The following CFAP99 variants were observed in gnomAD, a reference collection of about 807,000 sequenced individuals.
CFAP99 encodes cilia and flagella associated protein 99.
CFAP99 carries 84 observed loss-of-function variants against 82.7 expected under a neutral mutation model. That is an observed-to-expected ratio of 1.02 (90% confidence interval 0.85 to 1.22). The LOEUF is 1.22. CFAP99 is among the 50% of genes most tolerant of loss of function. The pLI is 0.00. For missense variants in CFAP99, 1,059 were observed against 983.5 expected, an observed-to-expected ratio of 1.08 and a Z score of -1.03; for synonymous variants, 456 against 429.5, an observed-to-expected ratio of 1.06 and a Z score of -0.76.
chr4:2,459,408 A>C lies in CFAP99; in HGVS notation c.1455+150A>C, dbSNP rs116104562. On this transcript the variant is annotated intron_variant, in intron 13 of 14. Coordinates refer to ENST00000635017, the Ensembl canonical transcript of CFAP99. ...CGCCACCCTCCGTGACTCAACACCC[A>C]TGTGCCGCGGGCCTGGGTCTGGCCC... The C allele has an allele frequency of 3.0e-3, 2,964 of 979,346 alleles. 62 individuals are homozygous for C. In the African/African-American group the frequency reaches 0.043, roughly 14 times the overall value. 60.7% of individuals were successfully genotyped at this position (979,346 alleles called of 1,614,324 possible). A position where few individuals can be genotyped will look rare whatever the true frequency, so the allele number is the denominator to read the frequency against.
intron 1 of CFAP99, among the ~76,000 whole-genome samples, chr4:2,421,475 T>G (rs933150112): frequency 6.8e-6 from 1 of 147,962 alleles, no homozygotes; most frequent in Non-Finnish European, 1.5e-5. Flanking sequence ...TGCCTCAGCC[T>G]CCCAAGTAGC....
Position 2,449,916 on chromosome 4 carries a change from G to A in CFAP99, c.724-18G>A, listed in dbSNP as rs947474347. 28 of 1,536,088 alleles carry A rather than the reference G, an allele frequency of 1.8e-5. No homozygotes were observed. Among genetic ancestry groups the A allele is most frequent in the African/African-American group, 9.6e-5 (7 of 73,178 alleles). On this transcript the variant is annotated intron_variant, in intron 7 of 14. Transcript: ENST00000635017. Reference sequence around the variant, plus strand: ...GGCAGAGGCTGGTGGGACTGGAGCCGCTGTGTCACTGTGGCAGGAGCTGCT... The same window carrying A: ...GGCAGAGGCTGGTGGGACTGGAGCCACTGTGTCACTGTGGCAGGAGCTGCT...
chr4:2,448,403 G>A lies in CFAP99; in HGVS notation c.643-1267G>A, dbSNP rs115903963. Among the ~76,000 whole-genome samples the A allele has an allele frequency of 1.5e-3, 224 of 152,286 alleles. No individual in the cohort carries two copies. Among genetic ancestry groups the A allele is most frequent in the African/African-American group, 5.3e-3 (219 of 41,568 alleles). On this transcript the variant is annotated intron_variant, in intron 6 of 14. Transcript: ENST00000635017. This position sits in a 1 kb window ranked among gnomAD's most constrained non-coding sequence, Gnocchi z 5.2. ...GTACCTTCTCTGCATCCACAGGGTG[G>A]CTGTGCTGAAACTATCCTCTACCCT...
chr4:2,450,236 G>T, intron 8 of CFAP99: 1 of 572,490 alleles, frequency 1.7e-6, no homozygotes, highest in Non-Finnish European at 3.1e-6. Flanking sequence ...GGAAGCTCAC[G>T]GGAAAGCACC....
Position 2,458,667 on chromosome 4 carries a change from C to T in CFAP99, c.1162-56C>T. 4 of 1,499,668 alleles carry T rather than the reference C, an allele frequency of 2.7e-6. No individual in the cohort carries two copies. The South Asian group carries it at 5.1e-5, about 19-fold the overall frequency. 92.9% of individuals were successfully genotyped at this position (1,499,668 alleles called of 1,614,324 possible). ...GCTGCGCCCTGGGCTGGGGCGGGACCAGGCAGGGAAGCCGGAGCAGCCCCA... is the reference window on the plus strand; with the variant it reads ...GCTGCGCCCTGGGCTGGGGCGGGACTAGGCAGGGAAGCCGGAGCAGCCCCA... On this transcript the variant is annotated intron_variant, in intron 11 of 14. Coordinates refer to ENST00000635017, the Ensembl canonical transcript of CFAP99.
At position 2,443,310 on chromosome 4, in the gene CFAP99, G is replaced by T. The variant is rs908354226; in HGVS notation, c.464+68G>T. On this transcript the variant is annotated intron_variant, in intron 5 of 14. Transcript: ENST00000635017. ...CACCCCATTCCAGGTGCCTCCACGG[G>T]CACGGGAGCTCCACGTTCCCCTTCC... 3 of 960,950 alleles carry T rather than the reference G, an allele frequency of 3.1e-6. No homozygotes were observed. In the African/African-American group the frequency reaches 4.9e-5, roughly 16 times the overall value. The allele number at this position is 960,950 out of a possible 1,614,324, so 59.5% of individuals were successfully genotyped here. A position where few individuals can be genotyped will look rare whatever the true frequency, so the allele number is the denominator to read the frequency against.
chr4:2,449,588 C>A, intron 6 of CFAP99, 82 bp from the exon 7 acceptor site: 1 of 1,285,056 alleles, frequency 7.8e-7, no homozygotes, highest in South Asian at 1.3e-5. Context: ...CCACATCCAC[C>A]AAGCTGTCAG....
chr4:2,444,135 C>T (rs1172370598), intron 5 of CFAP99, among the ~76,000 whole-genome samples: 1 of 152,130 alleles, frequency 6.6e-6, no homozygotes, highest in African/African-American at 2.4e-5. Flanking sequence ...ACCCAGTCCA[C>T]TCCTGGCAAT....
chr4:2,456,610 C>A (rs1734443671), intron 11 of CFAP99, among the ~76,000 whole-genome samples: 1 of 152,178 alleles, frequency 6.6e-6, no homozygotes, highest in African/African-American at 2.4e-5. Context: ...ACCTCTGCCT[C>A]CTGGGGTCAA....
At chr4:2,433,803 T>G (rs1203768) in intron 2 of CFAP99, among the ~76,000 whole-genome samples, 111,974 of 152,026 alleles carry the variant, frequency 0.74, 42,132 homozygotes, top group East Asian at 0.99. Context: ...CCGGGAGGAG[T>G]TCTCAGGCAG....
Position 2,462,458 on chromosome 4 carries a change from G to A in CFAP99, c.1677G>A (p.Lys559=). 1 of 1,462,812 alleles carries A rather than the reference G, an allele frequency of 6.8e-7. No individual in the cohort carries two copies. Among genetic ancestry groups the A allele is most frequent in the Non-Finnish European group, 8.9e-7 (1 of 1,117,678 alleles). The allele number at this position is 1,462,812 out of a possible 1,614,324, so 90.6% of individuals were successfully genotyped here. The stretch of plus-strand genomic sequence containing the variant: ...CGCCCGCCAGGTGGGAGGAAAAGAA[G>A]GCCCTTGCGGCGGCCCCGGCGGCGC... Residue 559 remains lysine, a synonymous_variant, in exon 15 of 15, where the codon AAG becomes AAA. Transcript: ENST00000635017. The surrounding 1 kb of genome is among the most constrained non-coding windows in gnomAD (Gnocchi z 4.1).
chr4:2,438,503 C>A (rs1187571087), intron 4 of CFAP99, among the ~76,000 whole-genome samples: 1 of 152,048 alleles, frequency 6.6e-6, no homozygotes, highest in African/African-American at 2.4e-5. Context: ...ACCTCGTGAT[C>A]CGCCCGCCTC....
At chr4:2,457,145 T>C (rs1002419075) in intron 11 of CFAP99, among the ~76,000 whole-genome samples, 1 of 151,654 alleles carries the variant, frequency 6.6e-6, no homozygotes, top group Admixed American at 6.6e-5. Flanking sequence ...AGAGACGGGG[T>C]CTCACTATGT....
intron 11 of CFAP99, among the ~76,000 whole-genome samples, chr4:2,456,709 G>C (rs920972103): frequency 6.6e-6 from 1 of 151,110 alleles, no homozygotes; most frequent in African/African-American, 2.4e-5. Context: ...AGTAGAGATG[G>C]AGTTTCTCCA....
In CFAP99 at chr4:2,462,337, G is replaced by A. The variant is rs1734639446; in HGVS notation, c.1662-106G>A. 5.2e-6 allele frequency: 6 copies of A among 1,147,062 alleles called. No homozygotes were observed. The highest frequency in any genetic ancestry group is 1.6e-5 in the African/African-American group (1 of 60,682). 71.1% of individuals were successfully genotyped at this position (1,147,062 alleles called of 1,614,324 possible). A position where few individuals can be genotyped will look rare whatever the true frequency, so the allele number is the denominator to read the frequency against. On this transcript the variant is annotated intron_variant, in intron 14 of 14. Coordinates refer to ENST00000635017, the Ensembl canonical transcript of CFAP99. The surrounding 1 kb of genome is among the most constrained non-coding windows in gnomAD (Gnocchi z 4.1). ...CTAAATCATTCCGGTGAACCTCTCC[G>A]GCTGCGTAGCTCCTTGCCCCCGCGT...
At chr4:2,443,322 C>T in intron 5 of CFAP99, 80 bp downstream of exon 5, 2 of 822,030 alleles carry the variant, frequency 2.4e-6, no homozygotes, top group Non-Finnish European at 4.0e-6. Flanking sequence ...ACGGGAGCTC[C>T]ACGTTCCCCT....
rs568274291 is a variant in CFAP99 at position 2,443,640 on chromosome 4, C to T, written c.464+398C>T. ...GGGGACTCTGCAGGGCCTTTGGCCT[C>T]TCTGCAGATCCCAAGAGTGCGGAGT... On this transcript the variant is annotated intron_variant, in intron 5 of 14. Coordinates refer to ENST00000635017, the Ensembl canonical transcript of CFAP99. Among the ~76,000 whole-genome samples the T allele has an allele frequency of 1.2e-4, 19 of 152,290 alleles. No individual in the cohort carries two copies. The East Asian group carries it at 3.5e-3, about 28-fold the overall frequency.
At chr4:2,442,752 A>G (rs1383855747) in intron 4 of CFAP99, among the ~76,000 whole-genome samples, 1 of 152,178 alleles carries the variant, frequency 6.6e-6, no homozygotes, top group Non-Finnish European at 1.5e-5. Flanking sequence ...CAGCCCACCC[A>G]GGGACCCCGG....
exon 12 of CFAP99, chr4:2,458,751 A>G: frequency 6.5e-7 from 1 of 1,535,538 alleles, no homozygotes; most frequent in Non-Finnish European, 8.7e-7. Flanking sequence ...CAGCGTGCAG[A>G]GAGACGGCTC....
Sources: allele counts gnomAD v4.1 joint callset (sites outside exome capture counted in the v4.1 genomes callset), GRCh38; gene constraint gnomAD v4.1.1; non-coding constraint Gnocchi (gnomAD v3.1); transcripts MANE v1.5; gene names NCBI Gene and HGNC (gene_info 2026-07-23, HGNC 2026-07-21).